YWHAG: variants seen among roughly 807,000 people sequenced by gnomAD.
The protein encoded by YWHAG is tyrosine 3-monooxygenase/tryptophan 5-monooxygenase activation protein gamma.
A neutral mutation model predicts 23.3 loss-of-function variants in YWHAG; 1 was observed. That is an observed-to-expected ratio of 0.04 (90% CI 0.02 to 0.20). The LOEUF is 0.20. Ranked by LOEUF, YWHAG falls within the 10% of genes least tolerant of loss-of-function variation. The probability of loss-of-function intolerance (pLI) is 1.00; values close to 1 mark genes in which losing one functional copy is unlikely to be tolerated. For missense variants in YWHAG, 151 were observed against 338.6 expected (o/e 0.45, Z 4.35); for synonymous variants, 160 against 144.0 (o/e 1.11, Z -0.80).
At chr7:76,354,850 A>G (rs1484001967) in intron 1 of YWHAG, among the ~76,000 whole-genome samples, 1 of 152,272 alleles carries the variant, frequency 6.6e-6, no homozygotes, top group Non-Finnish European at 1.5e-5. Context: ...CTCAGATTTC[A>G]AGTAAATTGT....
chr7:76,341,335 C>T (rs2961032), intron 1 of YWHAG, among the ~76,000 whole-genome samples: 95,794 of 147,214 alleles, frequency 0.65, 32,357 homozygotes, highest in East Asian at 0.94. Flanking sequence ...ACCCAGGAGG[C>T]GGAGGCTGTA....
At chr7:76,353,313 A>C (rs904341702) in intron 1 of YWHAG, among the ~76,000 whole-genome samples, 1 of 152,108 alleles carries the variant, frequency 6.6e-6, no homozygotes, top group African/African-American at 2.4e-5. Flanking sequence ...CCCAGGTTCA[A>C]GTAATTCTCC....
intron 1 of YWHAG, among the ~76,000 whole-genome samples, chr7:76,346,109 A>G (rs569238892): frequency 1.3e-5 from 2 of 152,292 alleles, no homozygotes; most frequent in Admixed American, 6.5e-5. Context: ...AGCCCTACAC[A>G]GTCGTCACTG....
intron 1 of YWHAG, among the ~76,000 whole-genome samples, chr7:76,355,897 T>C (rs1803947879): frequency 6.6e-6 from 1 of 152,228 alleles, no homozygotes; most frequent in Admixed American, 6.5e-5. Context: ...TATTGTCTAA[T>C]ACGTAGGATA....
intron 1 of YWHAG, among the ~76,000 whole-genome samples, chr7:76,354,688 G>C (rs1420540203): frequency 6.6e-6 from 1 of 152,090 alleles, no homozygotes; most frequent in Non-Finnish European, 1.5e-5. Context: ...CATGCTGCAG[G>C]AGCTCCCCAG....
rs1803456820 is a variant in YWHAG, at chr7:76,327,211, G to C, written c.*2366C>G. On this transcript the variant is annotated 3_prime_UTR_variant, in exon 2 of 2. Coordinates refer to ENST00000307630, the MANE Select transcript of YWHAG (RefSeq NM_012479.4). Reference sequence around the variant, plus strand: ...GTAGAGCAAACTTTACCCCCAAAAGGAAAAATTAAATTAAAAAAAAAAAAC... The same window carrying C: ...GTAGAGCAAACTTTACCCCCAAAAGCAAAAATTAAATTAAAAAAAAAAAAC... 1 of 148,966 alleles carries C rather than the reference G, an allele frequency of 6.7e-6. No homozygotes were observed. Among genetic ancestry groups the C allele is most frequent in the African/African-American group, 2.5e-5 (1 of 40,314 alleles). 9.2% of individuals were successfully genotyped at this position (148,966 alleles called of 1,614,324 possible).
Position 76,358,870 on chromosome 7 carries a change from G to C in YWHAG, c.-62C>G. The stretch of plus-strand genomic sequence containing the variant: ...ACACTGGGGCGGCCTGAAGGGCTTG[G>C]AGGGCGCGACTGGAGCCCAAGTGCC... On this transcript the variant is annotated 5_prime_UTR_variant, in exon 1 of 2. Coordinates refer to ENST00000307630, the MANE Select transcript of YWHAG (RefSeq NM_012479.4). 5 of 1,491,568 alleles carry C rather than the reference G, an allele frequency of 3.4e-6. No homozygotes were observed. The African/African-American group carries it at 7.2e-5, about 21-fold the overall frequency. The allele number at this position is 1,491,568 out of a possible 1,614,324, so 92.4% of individuals were successfully genotyped here. A position where few individuals can be genotyped will look rare whatever the true frequency, so the allele number is the denominator to read the frequency against.
chr7:76,355,006 G>A (rs1803930904), intron 1 of YWHAG, among the ~76,000 whole-genome samples: 1 of 152,198 alleles, frequency 6.6e-6, no homozygotes, highest in South Asian at 2.1e-4. Flanking sequence ...AATTATCGCT[G>A]GCTGTGAGCT....
At position 76,343,493 on chromosome 7, in the gene YWHAG, T is replaced by C. The variant is rs570600228; in HGVS notation, c.88-13260A>G. On this transcript the variant is annotated intron_variant, in intron 1 of 1. Coordinates refer to ENST00000307630, the MANE Select transcript of YWHAG (RefSeq NM_012479.4). ...ATCACCCATGAATCATGGTGGTACC[T>C]TAACTCAACAGTCACTTCTGAAAGT... Among the ~76,000 whole-genome samples the C allele has an allele frequency of 9.6e-4, 146 of 152,332 alleles. 1 individual carries two copies. Among genetic ancestry groups the C allele is most frequent in the African/African-American group, 3.4e-3 (140 of 41,574 alleles).
intron 1 of YWHAG, among the ~76,000 whole-genome samples, chr7:76,353,223 T>C (rs2115652884): frequency 6.6e-6 from 1 of 152,248 alleles, no homozygotes; most frequent in South Asian, 2.1e-4. Flanking sequence ...ATTTTTTTTC[T>C]TTTTTTCAAG....
rs368396054 is a variant in YWHAG, at chr7:76,334,648, A to G, written c.88-4415T>C. ...CCAGGCTGGTTTCGAACTCCTGAGC[A>G]CAAGTGATCCTCCAGCCTTGGCCTC... On this transcript the variant is annotated intron_variant, in intron 1 of 1. Transcript: ENST00000307630. 1.8e-4 allele frequency among the ~76,000 whole-genome samples: 28 copies of G among 152,112 alleles called. No homozygotes were observed. In the East Asian group the frequency reaches 3.7e-3, roughly 20 times the overall value.
At chr7:76,348,264 C>CTTT (rs1803816509) in intron 1 of YWHAG, among the ~76,000 whole-genome samples, 1 of 109,838 alleles carries the variant, frequency 9.1e-6, no homozygotes, top group African/African-American at 4.4e-5. Context: ...CCTTAGACTT[C>CTTT]GTTTTTTTTT....
chr7:76,338,126 C>G (rs1463180633), intron 1 of YWHAG, among the ~76,000 whole-genome samples: 2 of 152,234 alleles, frequency 1.3e-5, no homozygotes, highest in African/African-American at 4.8e-5. Context: ...GGGATGTACT[C>G]AAGGTACTCA....
intron 1 of YWHAG, among the ~76,000 whole-genome samples, chr7:76,353,890 A>G (rs991296295): frequency 6.6e-6 from 1 of 151,592 alleles, no homozygotes; most frequent in Non-Finnish European, 1.5e-5. Context: ...ACAACATGGC[A>G]ACACCCCGTT....
rs1781572081 is a variant in YWHAG at position 76,327,103 on chromosome 7, C to T, written c.*2474G>A. ...GCTAACACTGGTGTTTCTTTTGCTCCCCCCCTTTTAAAAACAAAATATATA... is the reference window on the plus strand; with the variant it reads ...GCTAACACTGGTGTTTCTTTTGCTCTCCCCCTTTTAAAAACAAAATATATA... On this transcript the variant is annotated 3_prime_UTR_variant, in exon 2 of 2. Transcript: ENST00000307630. The T allele has an allele frequency of 6.6e-6, 1 of 152,220 alleles. No individual in the cohort carries two copies. The highest frequency in any genetic ancestry group is 1.5e-5 in the Non-Finnish European group (1 of 67,958). 9.4% of individuals were successfully genotyped at this position (152,220 alleles called of 1,614,324 possible). A position where few individuals can be genotyped will look rare whatever the true frequency, so the allele number is the denominator to read the frequency against.
intron 1 of YWHAG, among the ~76,000 whole-genome samples, chr7:76,332,257 C>T (rs1025434324): frequency 1.3e-5 from 2 of 152,210 alleles, no homozygotes; most frequent in Non-Finnish European, 2.9e-5. Flanking sequence ...TCTGCAAACA[C>T]TCCTCCTGCA....
rs1269022460 is a variant in YWHAG, at chr7:76,328,471, T to C, written c.*1106A>G. On this transcript the variant is annotated 3_prime_UTR_variant, in exon 2 of 2. Transcript: ENST00000307630. ...AGGATATAGCTCTTCCTTTTGGGTT[T>C]TTCTACCAGTAGGCTTCTAGCACCT... 1 of 152,146 alleles carries C rather than the reference T, an allele frequency of 6.6e-6. No homozygotes were observed. Among genetic ancestry groups the C allele is most frequent in the Non-Finnish European group, 1.5e-5 (1 of 68,032 alleles). The allele number at this position is 152,146 out of a possible 1,614,324, so 9.4% of individuals were successfully genotyped here.
intron 1 of YWHAG, among the ~76,000 whole-genome samples, chr7:76,337,604 G>A (rs1408457184): frequency 6.8e-6 from 1 of 147,482 alleles, no homozygotes; most frequent in Admixed American, 6.8e-5. Flanking sequence ...GTGTGATCTC[G>A]GCTCACTGTG....
intron 1 of YWHAG, among the ~76,000 whole-genome samples, chr7:76,342,444 G>A (rs370602296): frequency 6.6e-6 from 1 of 152,168 alleles, no homozygotes; most frequent in African/African-American, 2.4e-5. Flanking sequence ...GTGAGAACTT[G>A]GTTGAATTCC....
Sources: gnomAD v4.1 joint callset for allele counts (sites outside exome capture counted in the v4.1 genomes callset) on GRCh38, gnomAD v4.1.1 for gene constraint, MANE v1.5 for transcripts, NCBI Gene and HGNC (gene_info 2026-07-23, HGNC 2026-07-21) for gene names.